The following SKA2 variants were observed in gnomAD, a reference collection of about 807,000 sequenced individuals.
SKA2 encodes spindle and kinetochore-associated protein 2.
A neutral mutation model predicts 16.9 loss-of-function variants in SKA2; 13 were observed. The ratio of observed to expected loss-of-function variants is 0.77; its 90% CI spans 0.50 to 1.22. The LOEUF (loss-of-function observed/expected upper bound fraction) is 1.22. Ranked by LOEUF, SKA2 falls within the 50% of genes most tolerant of loss-of-function variation. The pLI is 0.00. For synonymous variants in SKA2, 47 were observed against 48.5 expected (o/e 0.97, Z 0.13); for missense variants, 107 against 139.7 (o/e 0.77, Z 1.18).
In SKA2 at chr17:59,111,622, A is replaced by C. The variant is rs1455309508; in HGVS notation, c.*655T>G. Reference sequence around the variant, plus strand: ...GAAGGAAAACAAAGATATTATTGAGATACAACAGGGACAGTCTAAAACAGC... The same window carrying C: ...GAAGGAAAACAAAGATATTATTGAGCTACAACAGGGACAGTCTAAAACAGC... On this transcript the variant is annotated 3_prime_UTR_variant, in exon 4 of 4. Coordinates refer to ENST00000330137, the MANE Select transcript of SKA2 (RefSeq NM_182620.4). 6.6e-6 allele frequency: 1 copy of C among 152,216 alleles called. No individual in the cohort carries two copies. Among genetic ancestry groups the C allele is most frequent in the Non-Finnish European group, 1.5e-5 (1 of 68,050 alleles). 9.4% of individuals were successfully genotyped at this position (152,216 alleles called of 1,614,324 possible).
intron 3 of SKA2, 41 bp downstream of exon 3, chr17:59,119,278 C>A: frequency 6.2e-7 from 1 of 1,603,176 alleles, no homozygotes; most frequent in Non-Finnish European, 8.5e-7. Flanking sequence ...ACACTCAGAG[C>A]TAAAGCTAAA....
chr17:59,132,707 C>T (rs911565661), intron 1 of SKA2, among the ~76,000 whole-genome samples: 3 of 152,074 alleles, frequency 2.0e-5, no homozygotes, highest in African/African-American at 2.4e-5. Context: ...AATACCATGC[C>T]ATTATTGAAA....
intron 3 of SKA2, 46 bp downstream of exon 3, chr17:59,119,273 C>CA (rs1568301384): frequency 6.3e-7 from 1 of 1,584,494 alleles, no homozygotes; most frequent in South Asian, 1.2e-5. Flanking sequence ...AAGCAACACT[C>CA]AGAGCTAAAG....
chr17:59,151,070 T>C (rs2147822880), intron 1 of SKA2: 1 of 466,590 alleles, frequency 2.1e-6, no homozygotes, highest in East Asian at 7.0e-5. Flanking sequence ...GCAACAAAGG[T>C]TGTGGTAAAT....
intron 2 of SKA2, among the ~76,000 whole-genome samples, chr17:59,128,471 C>G (rs1233977420): frequency 6.6e-6 from 1 of 151,584 alleles, no homozygotes; most frequent in Admixed American, 6.6e-5. Flanking sequence ...CTAAAAAATA[C>G]AAAAATTAGC....
chr17:59,114,477 T>C (rs1166032814), intron 3 of SKA2, among the ~76,000 whole-genome samples: 1 of 152,216 alleles, frequency 6.6e-6, no homozygotes, highest in Admixed American at 6.5e-5. Flanking sequence ...CTGAATACCG[T>C]AGGCAGTGGT....
chr17:59,144,528 T>G (rs2046517260), intron 1 of SKA2, among the ~76,000 whole-genome samples: 1 of 152,072 alleles, frequency 6.6e-6, no homozygotes, highest in South Asian at 2.1e-4. Flanking sequence ...CATGGAGGGA[T>G]GAATGGATAA....
chr17:59,148,733 C>A (rs2046553209), intron 1 of SKA2, among the ~76,000 whole-genome samples: 2 of 137,896 alleles, frequency 1.5e-5, no homozygotes, highest in Non-Finnish European at 1.5e-5. Flanking sequence ...TCATCTGAAT[C>A]TTGGGAGGTC....
intron 2 of SKA2, among the ~76,000 whole-genome samples, chr17:59,121,171 A>G (rs1298116169): frequency 6.6e-6 from 1 of 151,962 alleles, no homozygotes; most frequent in Non-Finnish European, 1.5e-5. Flanking sequence ...AAAAAAAGAA[A>G]AAGGGTTAAA....
At chr17:59,126,755 G>A (rs776751553) in intron 2 of SKA2, among the ~76,000 whole-genome samples, 1 of 152,178 alleles carries the variant, frequency 6.6e-6, no homozygotes, top group Non-Finnish European at 1.5e-5. Flanking sequence ...TCCAGCAATT[G>A]CACTTCTGGG....
intron 2 of SKA2, among the ~76,000 whole-genome samples, chr17:59,127,892 A>C (rs543779029): frequency 5.1e-4 from 77 of 152,318 alleles, no homozygotes; most frequent in African/African-American, 1.8e-3. Context: ...AAACAACACA[A>C]ATGACCACCA....
At chr17:59,114,060 T>C (rs537972540) in intron 3 of SKA2, among the ~76,000 whole-genome samples, 1 of 152,302 alleles carries the variant, frequency 6.6e-6, no homozygotes, top group East Asian at 1.9e-4. Context: ...AAAGAAGCTT[T>C]CTCTTCTCAG....
rs759733194 is a variant in SKA2, at chr17:59,155,185, A to G, written c.-22T>C. On this transcript the variant is annotated 5_prime_UTR_variant, in exon 1 of 4. Transcript: ENST00000330137. ...CCATGTTGAATAGTTGACATTCCGC[A>G]GACCGCGGCGGCGCTTAAGCCGCAA... 1 of 1,613,756 alleles carries G rather than the reference A, an allele frequency of 6.2e-7. No individual in the cohort carries two copies. The highest frequency in any genetic ancestry group is 1.1e-5 in the South Asian group (1 of 91,082).
chr17:59,143,773 CAA>C (rs1162429022), intron 1 of SKA2, among the ~76,000 whole-genome samples: 1 of 151,998 alleles, frequency 6.6e-6, no homozygotes, highest in Non-Finnish European at 1.5e-5. Context: ...CGCCTGGCCC[CAA>C]AACTTTAACT....
At chr17:59,129,812 A>G (rs2046398277) in intron 2 of SKA2, among the ~76,000 whole-genome samples, 2 of 148,992 alleles carry the variant, frequency 1.3e-5, no homozygotes, top group South Asian at 2.2e-4. Flanking sequence ...CCAAGATCAC[A>G]CCCCTGAACT....
At position 59,125,518 on chromosome 17, in the gene SKA2, T is replaced by C. The variant is rs56080344; in HGVS notation, c.120+5763A>G. 2.3e-3 allele frequency among the ~76,000 whole-genome samples: 350 copies of C among 150,368 alleles called. 1 individual carries two copies. Among genetic ancestry groups the C allele is most frequent in the Middle Eastern group, 3.5e-3 (1 of 282 alleles). The stretch of plus-strand genomic sequence containing the variant: ...GAGTTCAAGACCAGCCTGACCAACA[T>C]GGTGAAACCCCGTCTCTAATAAAAA... On this transcript the variant is annotated intron_variant, in intron 2 of 3. Transcript: ENST00000330137.
At chr17:59,119,746 C>T (rs2147796314) in intron 2 of SKA2, among the ~76,000 whole-genome samples, 1 of 152,154 alleles carries the variant, frequency 6.6e-6, no homozygotes, top group Middle Eastern at 3.4e-3. Context: ...CAATATTAAA[C>T]AGCAAATAAG....
intron 1 of SKA2, among the ~76,000 whole-genome samples, chr17:59,145,812 A>C (rs537345368): frequency 6.6e-6 from 1 of 152,132 alleles, no homozygotes; most frequent in Admixed American, 6.6e-5. Context: ...AACAAAGGGA[A>C]ACCACGCCTC....
chr17:59,129,306 G>GT (rs2046393409), intron 2 of SKA2: 1 of 151,010 alleles, frequency 6.6e-6, no homozygotes. Context: ...CTGAGATTTT[G>GT]TTACCGCACT....
Sources: gnomAD v4.1 joint callset for allele counts (sites outside exome capture counted in the v4.1 genomes callset) on GRCh38, gnomAD v4.1.1 for gene constraint, MANE v1.5 for transcripts, NCBI Gene and HGNC (gene_info 2026-07-23, HGNC 2026-07-21) for gene names.